Variants in SYNPO observed in about 807,000 individuals in gnomAD.
SYNPO encodes synaptopodin.
In SYNPO, 19 loss-of-function variants were observed where a neutral mutation model predicts 49.5. That is an observed-to-expected ratio of 0.38 (90% CI 0.27 to 0.56). SYNPO has a LOEUF of 0.56. Among genes scored for constraint, SYNPO ranks in the 20% least tolerant of loss-of-function variants. The probability of loss-of-function intolerance (pLI) is 0.68; values close to 1 mark genes in which losing one functional copy is unlikely to be tolerated. For missense variants in SYNPO, 1,131 were observed against 1,248.3 expected, an observed-to-expected ratio of 0.91 and a Z score of 1.42; for synonymous variants, 536 against 548.0, an observed-to-expected ratio of 0.98 and a Z score of 0.31.
In SYNPO at chr5:150,657,293, C is replaced by G; in HGVS notation, c.*206C>G. The G allele has an allele frequency of 1.6e-6, 1 of 612,852 alleles. No homozygotes were observed. Among genetic ancestry groups the G allele is most frequent in the East Asian group, 2.8e-5 (1 of 35,378 alleles). 38.0% of individuals were successfully genotyped at this position (612,852 alleles called of 1,614,324 possible). ...AGCTGTTGTGTGACCCTGGGTAAGA[C>G]CCTTCCTTGTTTGACCCTCAGCTTT... On this transcript the variant is annotated 3_prime_UTR_variant, in exon 3 of 3. Transcript: ENST00000307662.
upstream of SYNPO, among the ~76,000 whole-genome samples, chr5:150,639,206 C>T (rs954015734): frequency 4.6e-5 from 7 of 152,246 alleles, no homozygotes; most frequent in African/African-American, 1.7e-4. Context: ...GTCAGGCTTG[C>T]GCTGACTGTG....
At chr5:150,611,376 G>A (rs1308392857) in intron 1 of SYNPO, among the ~76,000 whole-genome samples, 3 of 152,172 alleles carry the variant, frequency 2.0e-5, no homozygotes, top group Non-Finnish European at 4.4e-5. Flanking sequence ...TCTACCAGGA[G>A]GGCACCTGAA....
At chr5:150,622,349 C>G (rs1391168484) in intron 2 of SYNPO, among the ~76,000 whole-genome samples, 1 of 152,206 alleles carries the variant, frequency 6.6e-6, no homozygotes, top group Non-Finnish European at 1.5e-5. Context: ...GATGAGGCAG[C>G]AGGCTGTGTT....
intron 1 of SYNPO, among the ~76,000 whole-genome samples, chr5:150,606,863 C>T (rs558123016): frequency 6.6e-6 from 1 of 152,352 alleles, no homozygotes; most frequent in South Asian, 2.1e-4. Context: ...GCCCCCAACT[C>T]CTGAGCCTGT....
At chr5:150,620,630 A>G (rs973102734) in intron 2 of SYNPO, among the ~76,000 whole-genome samples, 3 of 152,238 alleles carry the variant, frequency 2.0e-5, no homozygotes, top group Non-Finnish European at 4.4e-5. Context: ...GAGCCCATGG[A>G]TGGAGAGGAC....
chr5:150,656,522 T>C lies in SYNPO; in HGVS notation c.2147T>C (p.Met716Thr), dbSNP rs757848932. ...GPWEPGRGSS[M>T]SSPPPLPPPP... ...TGGGAGCCAGGTCGCGGGAGCAGCA[T>C]GAGCAGCCCCCCGCCGCTGCCGCCG... Residue 716 changes from methionine to threonine, a missense_variant, in exon 3 of 3, where the codon ATG becomes ACG. Physicochemically the swap from Met to Thr is moderately conservative, Grantham distance 81 (BLOSUM62 -1). Coordinates refer to ENST00000307662, the MANE Select transcript of SYNPO (RefSeq NM_007286.6). 1 of 1,529,910 alleles carries C rather than the reference T, an allele frequency of 6.5e-7. No homozygotes were observed. Among genetic ancestry groups the C allele is most frequent in the Non-Finnish European group, 8.7e-7 (1 of 1,144,596 alleles). The allele number at this position is 1,529,910 out of a possible 1,614,324, so 94.8% of individuals were successfully genotyped here.
At chr5:150,650,582 G>A in intron 2 of SYNPO, 1 of 1,453,932 alleles carries the variant, frequency 6.9e-7, no homozygotes, top group Non-Finnish European at 9.1e-7. Context: ...GGGTCATGGA[G>A]AGAGAACTGT....
chr5:150,600,961 G>A (rs1020424736), upstream of SYNPO: 2 of 152,112 alleles, frequency 1.3e-5, no homozygotes, highest in Non-Finnish European at 2.9e-5. Context: ...TATCCCATAT[G>A]CTCGGAAACA....
chr5:150,630,563 C>T (rs760917374), intron 2 of SYNPO, among the ~76,000 whole-genome samples: 2 of 152,178 alleles, frequency 1.3e-5, no homozygotes, highest in African/African-American at 4.8e-5. Flanking sequence ...GACTGTCACG[C>T]GCACGGAGAA....
At chr5:150,604,167 G>C (rs1756628160) in intron 1 of SYNPO, among the ~76,000 whole-genome samples, 1 of 152,228 alleles carries the variant, frequency 6.6e-6, no homozygotes, top group Non-Finnish European at 1.5e-5. Flanking sequence ...CCAAGGCCAA[G>C]GGCAAACAGA....
the SYNPO span, among the ~76,000 whole-genome samples, chr5:150,586,832 A>C: frequency 1.3e-5 from 2 of 152,246 alleles, no homozygotes; most frequent in African/African-American, 4.8e-5. Context: ...AGATGTATAC[A>C]TGGATGCATG....
chr5:150,640,157 C>T (rs1376051946), upstream of SYNPO: 1 of 985,260 alleles, frequency 1.0e-6, no homozygotes, highest in African/African-American at 1.7e-5. Flanking sequence ...TGAAAGATTA[C>T]TTTTACTAGA....
intron 2 of SYNPO, chr5:150,652,261 C>G: frequency 1.0e-6 from 1 of 1,000,210 alleles, no homozygotes; most frequent in African/African-American, 1.7e-5. Context: ...GCCCTTCATT[C>G]TGCAGCTCCT....
At chr5:150,608,485 C>T (rs1326287936) in intron 1 of SYNPO, 1 of 152,196 alleles carries the variant, frequency 6.6e-6, no homozygotes, top group East Asian at 1.9e-4. Context: ...GTAAGAGCCT[C>T]TCCTCCCATG....
upstream of SYNPO, among the ~76,000 whole-genome samples, chr5:150,638,657 CT>C (rs1757795285): frequency 6.6e-6 from 1 of 152,210 alleles, no homozygotes; most frequent in South Asian, 2.1e-4. Context: ...AGGACCACAT[CT>C]TTGTGGCGGG....
rs778703282 is a variant in SYNPO at position 150,648,910 on chromosome 5, G to A, written c.635G>A (p.Arg212Gln). The A allele has an allele frequency of 1.1e-5, 18 of 1,614,054 alleles. No individual in the cohort carries two copies. Among genetic ancestry groups the A allele is most frequent in the South Asian group, 7.7e-5 (7 of 91,090 alleles). ...VVSADQEMSG[R>Q]AAATTPTKVY... ...TCAGCAGATCAAGAGATGTCTGGGCGAGCAGCTGCCACCACGCCCACCAAG... is the reference window on the plus strand; with the variant it reads ...TCAGCAGATCAAGAGATGTCTGGGCAAGCAGCTGCCACCACGCCCACCAAG... Residue 212 changes from arginine (R) to glutamine (Q), a missense_variant, in exon 2 of 3, where the codon CGA becomes CAA. Physicochemically the swap from Arg to Gln is conservative, Grantham distance 43. Coordinates refer to ENST00000307662, the MANE Select transcript of SYNPO (RefSeq NM_007286.6). This position sits in a 1 kb window ranked among gnomAD's most constrained non-coding sequence, Gnocchi z 5.0.
At chr5:150,654,719 A>G (rs1417118137) in intron 2 of SYNPO, among the ~76,000 whole-genome samples, 1 of 152,134 alleles carries the variant, frequency 6.6e-6, no homozygotes, top group Non-Finnish European at 1.5e-5. Context: ...TTGTATCTCC[A>G]TCTGTCAGGG....
intron 2 of SYNPO, among the ~76,000 whole-genome samples, chr5:150,633,533 C>G (rs978612230): frequency 3.3e-5 from 5 of 152,250 alleles, no homozygotes; most frequent in African/African-American, 1.2e-4. Context: ...TTTCATAAAC[C>G]TGGAGTGGTA....
At chr5:150,627,234 A>AG (rs35270476) in intron 2 of SYNPO, among the ~76,000 whole-genome samples, 2 of 152,192 alleles carry the variant, frequency 1.3e-5, no homozygotes, top group Admixed American at 6.5e-5. Flanking sequence ...GGGGAAGTAC[A>AG]GGGGGGTGCT....
Sources: gnomAD v4.1 joint callset for allele counts (sites outside exome capture counted in the v4.1 genomes callset) on GRCh38, gnomAD v4.1.1 for gene constraint, Gnocchi (gnomAD v3.1) non-coding constraint, MANE v1.5 for transcripts, NCBI Gene and HGNC (gene_info 2026-07-23, HGNC 2026-07-21) for gene names.